Variants in GPHN observed in about 807,000 individuals in gnomAD.
The protein encoded by GPHN is gephyrin.
In GPHN, 17 loss-of-function variants were observed where a neutral mutation model predicts 95.5. That is an observed-to-expected ratio of 0.18 (90% CI 0.12 to 0.27). GPHN has a LOEUF of 0.27. Among genes scored for constraint, GPHN ranks in the 10% least tolerant of loss-of-function variants. The probability of loss-of-function intolerance (pLI) is 1.00; values close to 1 mark genes in which losing one functional copy is unlikely to be tolerated. For synonymous variants in GPHN, 320 were observed against 322.5 expected (o/e 0.99, Z 0.08); for missense variants, 660 against 978.1 (o/e 0.67, Z 4.34).
the GPHN span, among the ~76,000 whole-genome samples, chr14:67,193,026 ATC>A: frequency 1.4e-5 from 2 of 145,848 alleles, no homozygotes; most frequent in African/African-American, 2.5e-5. Flanking sequence ...ATATAGATAT[ATC>A]TCTATCAATA....
the GPHN span, among the ~76,000 whole-genome samples, chr14:67,412,459 C>T: frequency 8.5e-5 from 13 of 152,120 alleles, no homozygotes; most frequent in Non-Finnish European, 1.6e-4. Flanking sequence ...CGACAGGACT[C>T]CAGGATTTGG....
the GPHN span, chr14:67,615,994 A>C: frequency 6.9e-6 from 2 of 288,342 alleles, no homozygotes; most frequent in Admixed American, 4.4e-5. Context: ...GATGCAGCCA[A>C]AAAGGGAGTT....
intron 18 of GPHN, among the ~76,000 whole-genome samples, chr14:67,144,236 T>TAAA (rs1216565518): frequency 2.2e-4 from 12 of 54,094 alleles, no homozygotes; most frequent in East Asian, 1.6e-3. Context: ...GACCCTGTCT[T>TAAA]AAAAAAAAAA....
intron 11 of GPHN, among the ~76,000 whole-genome samples, chr14:67,086,179 G>A (rs1052395368): frequency 6.6e-6 from 1 of 152,174 alleles, no homozygotes; most frequent in African/African-American, 2.4e-5. Flanking sequence ...GTACAGATAC[G>A]TGTTCAATTC....
the GPHN span, among the ~76,000 whole-genome samples, chr14:67,452,313 G>A: frequency 1.1e-4 from 15 of 142,512 alleles, no homozygotes; most frequent in Non-Finnish European, 1.9e-4. Context: ...GTGACAGAGT[G>A]AGACTCTGTC....
intron 3 of GPHN, among the ~76,000 whole-genome samples, chr14:66,800,327 T>C (rs1236363540): frequency 6.6e-6 from 1 of 152,138 alleles, no homozygotes; most frequent in Non-Finnish European, 1.5e-5. Context: ...GATTACTTAC[T>C]GCTTTTTTTC....
chr14:67,354,938 C>T, the GPHN span, among the ~76,000 whole-genome samples: 2 of 152,076 alleles, frequency 1.3e-5, no homozygotes, highest in Non-Finnish European at 2.9e-5. Flanking sequence ...CTCAGCATCC[C>T]GAGTAGCTGG....
chr14:66,520,501 A>G (rs1231670560), intron 1 of GPHN, among the ~76,000 whole-genome samples: 1 of 152,008 alleles, frequency 6.6e-6, no homozygotes, highest in African/African-American at 2.4e-5. Flanking sequence ...GACTTAAGGG[A>G]CTCAAATAAT....
At chr14:67,563,614 G>C in the GPHN span, among the ~76,000 whole-genome samples, 3 of 150,212 alleles carry the variant, frequency 2.0e-5, no homozygotes, top group East Asian at 6.0e-4. Context: ...TGTATTTTTA[G>C]TAGAGGCAGG....
the GPHN span, among the ~76,000 whole-genome samples, chr14:67,274,745 C>T: frequency 2.0e-5 from 3 of 151,988 alleles, no homozygotes; most frequent in South Asian, 2.1e-4. Flanking sequence ...TGATTCTTCC[C>T]ATCCATGAGC....
intron 2 of GPHN, among the ~76,000 whole-genome samples, chr14:66,750,306 T>C (rs1029773166): frequency 2.6e-5 from 4 of 151,922 alleles, no homozygotes; most frequent in African/African-American, 9.7e-5. Context: ...TCATGTCTTT[T>C]AAGATTCTGA....
the GPHN span, chr14:67,208,309 T>A: frequency 5.0e-6 from 8 of 1,613,856 alleles, no homozygotes; most frequent in African/African-American, 2.7e-5. Context: ...TAACACTGAC[T>A]TTTGAAGGTA....
chr14:67,143,727 C>T (rs893257232), intron 18 of GPHN, among the ~76,000 whole-genome samples: 4 of 152,114 alleles, frequency 2.6e-5, no homozygotes, highest in Non-Finnish European at 4.4e-5. Flanking sequence ...TATTTTACTA[C>T]ATTAGGACAT....
chr14:66,771,547 C>T (rs1353306806), intron 2 of GPHN, among the ~76,000 whole-genome samples: 2 of 152,174 alleles, frequency 1.3e-5, no homozygotes, highest in African/African-American at 4.8e-5. Flanking sequence ...GGATGCTGGA[C>T]TTACGGCCAA....
intron 10 of GPHN, among the ~76,000 whole-genome samples, chr14:67,027,440 C>T (rs936742895): frequency 1.3e-5 from 2 of 152,126 alleles, no homozygotes; most frequent in Non-Finnish European, 2.9e-5. Flanking sequence ...AAGTGATTCT[C>T]CTGCCTCAGC....
chr14:67,479,734 A>G, the GPHN span, among the ~76,000 whole-genome samples: 1 of 152,222 alleles, frequency 6.6e-6, no homozygotes, highest in Non-Finnish European at 1.5e-5. Flanking sequence ...GGAAAAAAAA[A>G]TGCTTGTGGA....
At chr14:67,118,861 G>A (rs899166036) in intron 16 of GPHN, among the ~76,000 whole-genome samples, 2 of 152,094 alleles carry the variant, frequency 1.3e-5, no homozygotes, top group African/African-American at 2.4e-5. Context: ...AAGTGCCTTC[G>A]GCTAAAAAAT....
chr14:67,391,269 ATATGTGTG>A, the GPHN span, among the ~76,000 whole-genome samples: 2 of 139,646 alleles, frequency 1.4e-5, no homozygotes, highest in East Asian at 2.1e-4. Context: ...TAAGCAGCTG[ATATGTGTG>A]TGTGTGTGTG....
chr14:67,247,354 T>C, the GPHN span, among the ~76,000 whole-genome samples: 2 of 152,218 alleles, frequency 1.3e-5, no homozygotes, highest in African/African-American at 2.4e-5. Flanking sequence ...TTTTTGTATA[T>C]TGACTTTGTA....
Sources: gnomAD v4.1 joint callset for allele counts (sites outside exome capture counted in the v4.1 genomes callset) on GRCh38, gnomAD v4.1.1 for gene constraint, MANE v1.5 for transcripts, NCBI Gene and HGNC (gene_info 2026-07-23, HGNC 2026-07-21) for gene names.